The following NSMCE2 variants were observed in gnomAD, a reference collection of about 807,000 sequenced individuals.
NSMCE2 encodes the protein NSE2 SUMO ligase component of SMC5/6 complex, also known as E3 SUMO-protein ligase NSE2.
NSMCE2 carries 24 observed loss-of-function variants against 23.8 expected under a neutral mutation model. That is an observed-to-expected ratio of 1.01 (90% confidence interval 0.73 to 1.42). NSMCE2 has a LOEUF of 1.42. Ranked by LOEUF, NSMCE2 falls within the 40% of genes most tolerant of loss-of-function variation. The probability of loss-of-function intolerance (pLI) is 0.00; values close to 1 mark genes in which losing one functional copy is unlikely to be tolerated. For synonymous variants in NSMCE2, 92 were observed against 94.1 expected (o/e 0.98, Z 0.13); for missense variants, 284 against 296.5 (o/e 0.96, Z 0.31).
At chr8:125,193,324 T>C (rs1210191768) in intron 5 of NSMCE2, among the ~76,000 whole-genome samples, 2 of 152,172 alleles carry the variant, frequency 1.3e-5, no homozygotes, top group African/African-American at 4.8e-5. Flanking sequence ...TTACAAAGAA[T>C]ATAGTATATC....
chr8:125,149,707 T>C (rs1007562568), intron 3 of NSMCE2, among the ~76,000 whole-genome samples: 45 of 152,206 alleles, frequency 3.0e-4, no homozygotes, highest in African/African-American at 9.9e-4. Context: ...ATTTTAATTT[T>C]TTAAACATAG....
intron 5 of NSMCE2, among the ~76,000 whole-genome samples, chr8:125,280,656 G>A (rs1219123334): frequency 2.0e-5 from 3 of 152,162 alleles, no homozygotes; most frequent in African/African-American, 7.2e-5. Flanking sequence ...TATAATAAAA[G>A]TGATACTGAT....
intron 5 of NSMCE2, among the ~76,000 whole-genome samples, chr8:125,229,175 A>G (rs572588631): frequency 3.3e-5 from 5 of 152,220 alleles, no homozygotes; most frequent in African/African-American, 4.8e-5. Context: ...CAGAAGTCCA[A>G]GCAAGACATG....
Position 125,156,204 on chromosome 8 carries a change from T to C in NSMCE2, c.264+4927T>C, listed in dbSNP as rs185878616. 212 of 194,160 alleles carry C rather than the reference T, an allele frequency of 1.1e-3. 4 individuals carry two copies. In the South Asian group the frequency reaches 0.011, roughly 10 times the overall value. The allele number at this position is 194,160 out of a possible 1,614,324, so 12.0% of individuals were successfully genotyped here. On this transcript the variant is annotated intron_variant, in intron 4 of 7. Coordinates refer to ENST00000287437, the MANE Select transcript of NSMCE2 (RefSeq NM_173685.4). ...TGAGAGTCACATTATACTTCAGCTT[T>C]TATTGTTTTTATTATGATCCTTAGT...
At chr8:125,212,208 T>C (rs1463720680) in intron 5 of NSMCE2, among the ~76,000 whole-genome samples, 1 of 152,230 alleles carries the variant, frequency 6.6e-6, no homozygotes, top group Non-Finnish European at 1.5e-5. Flanking sequence ...TACCGACTTT[T>C]ACCTTGTTAG....
At chr8:125,216,265 G>A (rs1824577656) in intron 5 of NSMCE2, among the ~76,000 whole-genome samples, 1 of 152,208 alleles carries the variant, frequency 6.6e-6, no homozygotes, top group African/African-American at 2.4e-5. Context: ...GCTGCTGTGA[G>A]CATCAGTGTA....
chr8:125,095,370 C>G (rs753683775), intron 1 of NSMCE2, among the ~76,000 whole-genome samples: 3 of 152,034 alleles, frequency 2.0e-5, no homozygotes, highest in Admixed American at 1.3e-4. Context: ...GGGAGGATCA[C>G]TTGAGCTCAG....
intron 5 of NSMCE2, among the ~76,000 whole-genome samples, chr8:125,213,641 TTC>T (rs927281366): frequency 2.7e-5 from 4 of 149,218 alleles, no homozygotes; most frequent in African/African-American, 7.4e-5. Flanking sequence ...CTCTTTTTAT[TTC>T]TCTCTTTCTC....
chr8:125,251,114 A>G (rs1004685721), intron 5 of NSMCE2, among the ~76,000 whole-genome samples: 12 of 152,190 alleles, frequency 7.9e-5, no homozygotes, highest in Non-Finnish European at 1.2e-4. Context: ...TTCTCTAGTA[A>G]AAGCATAGTG....
intron 5 of NSMCE2, among the ~76,000 whole-genome samples, chr8:125,281,066 A>G (rs1372958767): frequency 2.1e-4 from 32 of 152,180 alleles, no homozygotes; most frequent in Admixed American, 2.1e-3. Context: ...TTTTTTGTCT[A>G]CAACTTTTGT....
chr8:125,229,294 G>A (rs984602060), intron 5 of NSMCE2, among the ~76,000 whole-genome samples: 8 of 152,186 alleles, frequency 5.3e-5, no homozygotes, highest in Non-Finnish European at 1.0e-4. Flanking sequence ...TGAAAGCAGT[G>A]AAGGCAACCT....
chr8:125,359,610 G>A (rs904416005), intron 7 of NSMCE2, among the ~76,000 whole-genome samples: 1 of 152,136 alleles, frequency 6.6e-6, no homozygotes, highest in African/African-American at 2.4e-5. Context: ...TGGGATTACA[G>A]GCATGAGCCA....
At chr8:125,271,117 C>T (rs1191279281) in intron 5 of NSMCE2, among the ~76,000 whole-genome samples, 2 of 151,850 alleles carry the variant, frequency 1.3e-5, no homozygotes, top group East Asian at 3.9e-4. Flanking sequence ...AAAATTTTGC[C>T]AGGCATGGTG....
At chr8:125,250,761 C>T (rs1826170820) in intron 5 of NSMCE2, among the ~76,000 whole-genome samples, 1 of 152,142 alleles carries the variant, frequency 6.6e-6, no homozygotes, top group Admixed American at 6.5e-5. Flanking sequence ...AGAGATCCTC[C>T]AACCTCAGCC....
chr8:125,314,040 C>G (rs993602472), intron 5 of NSMCE2, among the ~76,000 whole-genome samples: 3 of 152,104 alleles, frequency 2.0e-5, no homozygotes, highest in Admixed American at 1.3e-4. Context: ...ATGTGTTTTT[C>G]AAAGACCGGT....
chr8:125,202,944 G>T (rs1012086287), intron 5 of NSMCE2, among the ~76,000 whole-genome samples: 1 of 152,082 alleles, frequency 6.6e-6, no homozygotes, highest in East Asian at 1.9e-4. Flanking sequence ...GTACAGTATT[G>T]GTTTTGACAA....
intron 5 of NSMCE2, among the ~76,000 whole-genome samples, chr8:125,189,238 C>T (rs1823240518): frequency 6.6e-6 from 1 of 152,170 alleles, no homozygotes; most frequent in African/African-American, 2.4e-5. Context: ...CAAGAGCACA[C>T]CTGAACAAAG....
At chr8:125,265,625 G>A (rs556771347) in intron 5 of NSMCE2, among the ~76,000 whole-genome samples, 1 of 152,158 alleles carries the variant, frequency 6.6e-6, no homozygotes, top group Non-Finnish European at 1.5e-5. Flanking sequence ...CAGGCAGGTG[G>A]CCGCCTTACT....
intron 5 of NSMCE2, among the ~76,000 whole-genome samples, chr8:125,222,404 A>G (rs1296543876): frequency 2.6e-5 from 4 of 152,218 alleles, no homozygotes; most frequent in Admixed American, 6.5e-5. Context: ...ATTTTGAAGT[A>G]TACAAATACA....
Sources: gnomAD v4.1 joint callset for allele counts (sites outside exome capture counted in the v4.1 genomes callset) on GRCh38, gnomAD v4.1.1 for gene constraint, MANE v1.5 for transcripts, NCBI Gene and HGNC (gene_info 2026-07-23, HGNC 2026-07-21) for gene names.